The following EFCAB8 variants were observed in gnomAD, a reference collection of about 807,000 sequenced individuals.
EFCAB8 encodes the protein EF-hand calcium binding domain 8.
A neutral mutation model predicts 116.3 loss-of-function variants in EFCAB8; 100 were observed. The ratio of observed to expected loss-of-function variants is 0.86; its 90% CI spans 0.73 to 1.02. The LOEUF (loss-of-function observed/expected upper bound fraction) is 1.02. Among genes scored for constraint, EFCAB8 ranks in the 50% least tolerant of loss-of-function variants. The probability of loss-of-function intolerance (pLI) is 0.00; values close to 1 mark genes in which losing one functional copy is unlikely to be tolerated. For synonymous variants in EFCAB8, 558 were observed against 567.9 expected (o/e 0.98, Z 0.25); for missense variants, 1,320 against 1,416.9 (o/e 0.93, Z 1.10).
Position 32,875,502 on chromosome 20 carries a change from G to GTTTTTTTTTTTTTTTTTTTTTTTTTTTTT in EFCAB8, c.209-406_209-405insTTTTTTTTTTTTTTTTTTTTTTTTTTTTT, listed in dbSNP as rs57620114. 3.4e-4 allele frequency among the ~76,000 whole-genome samples: 31 copies of GTTTTTTTTTTTTTTTTTTTTTTTTTTTTT among 89,894 alleles called. 8 individuals carry two copies. Among genetic ancestry groups the GTTTTTTTTTTTTTTTTTTTTTTTTTTTTT allele is most frequent in the Non-Finnish European group, 6.5e-4 (25 of 38,732 alleles). 59.0% of individuals were successfully genotyped at this position (89,894 alleles called of 152,430 possible). On this transcript the variant is annotated intron_variant, in intron 3 of 26. Coordinates refer to ENST00000400522, the MANE Select transcript of EFCAB8 (RefSeq NM_001143967.2). Reference sequence around the variant, plus strand: ...CTGAGCACACCTGGTAAACATGGTGGTTTTTTTTTTTTTTTTTTGAGACAG... The same window carrying GTTTTTTTTTTTTTTTTTTTTTTTTTTTTT: ...CTGAGCACACCTGGTAAACATGGTGGTTTTTTTTTTTTTTTTTTTTTTTTTTTTTTTTTTTTTTTTTTTTTTTGAGACAG...
chr20:32,923,152 C>A (rs1352759906), intron 20 of EFCAB8, among the ~76,000 whole-genome samples: 1 of 152,110 alleles, frequency 6.6e-6, no homozygotes, highest in Admixed American at 6.5e-5. Flanking sequence ...CCACTGCACT[C>A]CAGCCTGGGC....
rs1987854767 is a variant in EFCAB8 at position 32,930,482 on chromosome 20, T to C, written c.2497T>C (p.Ser833Pro). 9.0e-6 allele frequency: 14 copies of C among 1,551,948 alleles called. No homozygotes were observed. Among genetic ancestry groups the C allele is most frequent in the Non-Finnish European group, 1.2e-5 (14 of 1,147,036 alleles). The change falls in exon 21 of 27, where the codon TCC becomes CCC. Residue 833 changes from serine to proline, a missense_variant. Transcript: ENST00000400522. ...CATGGACGGCTACATCTACGCCTGG[T>C]CCCTCCATGAGAATGGAGGCCTGCT... The part of the protein sequence containing the change: ...SCMDGYIYAW[S>P]LHENGGLLGK...
intron 17 of EFCAB8, among the ~76,000 whole-genome samples, chr20:32,914,463 A>G (rs151238819): frequency 6.6e-6 from 1 of 152,306 alleles, no homozygotes; most frequent in East Asian, 1.9e-4. Flanking sequence ...TATGTCTTTA[A>G]TGATTGTATT....
chr20:32,893,460 C>A (rs1287375165), intron 9 of EFCAB8, among the ~76,000 whole-genome samples, 162 bp downstream of exon 9: 1 of 152,102 alleles, frequency 6.6e-6, no homozygotes, highest in Non-Finnish European at 1.5e-5. Flanking sequence ...CAGCTCAGCA[C>A]AGAGGGAGAG....
intron 3 of EFCAB8, among the ~76,000 whole-genome samples, chr20:32,873,340 A>T (rs1984783102): frequency 6.6e-6 from 1 of 151,526 alleles, no homozygotes; most frequent in Admixed American, 6.6e-5. Flanking sequence ...CGGCCTCCCA[A>T]AGTGCTGGGA....
At chr20:32,887,507 A>G (rs1985692453) in intron 6 of EFCAB8, among the ~76,000 whole-genome samples, 1 of 152,202 alleles carries the variant, frequency 6.6e-6, no homozygotes, top group African/African-American at 2.4e-5. Flanking sequence ...ACCCGGAGGC[A>G]GAGGTTCCAG....
intron 26 of EFCAB8, among the ~76,000 whole-genome samples, chr20:32,960,681 A>G (rs1989118347): frequency 6.6e-6 from 1 of 152,226 alleles, no homozygotes; most frequent in Non-Finnish European, 1.5e-5. Context: ...CTTGTCTGCC[A>G]GGGGAATATT....
chr20:32,948,463 TC>T (rs1424932948), intron 23 of EFCAB8, among the ~76,000 whole-genome samples: 2 of 147,310 alleles, frequency 1.4e-5, no homozygotes, highest in Non-Finnish European at 3.0e-5. Flanking sequence ...GTACAATACT[TC>T]CCAACTCATG....
chr20:32,875,927 C>T lies in EFCAB8; in HGVS notation c.210C>T (p.Ala70=), dbSNP rs1420246992. The T allele has an allele frequency of 1.9e-6, 3 of 1,551,478 alleles. No homozygotes were observed. In the African/African-American group the frequency reaches 4.1e-5, roughly 21 times the overall value. Residue 70 remains alanine (A), a splice_region_variant and synonymous_variant, in exon 4 of 27, where the codon GCC becomes GCT. Coordinates refer to ENST00000400522, the MANE Select transcript of EFCAB8 (RefSeq NM_001143967.2). ...MFEEDINSTG[A]LGMDAFIKAM... is the part of the protein sequence containing the mutation. Reference sequence around the variant, plus strand: ...ATGCTCTCTGTTCTCTCTTTGAAGCCCTGGGCATGGACGCCTTCATCAAGG... The same window carrying T: ...ATGCTCTCTGTTCTCTCTTTGAAGCTCTGGGCATGGACGCCTTCATCAAGG...
At chr20:32,884,953 C>G (rs943469791) in intron 5 of EFCAB8, among the ~76,000 whole-genome samples, 22 of 152,204 alleles carry the variant, frequency 1.4e-4, no homozygotes, top group African/African-American at 5.1e-4. Flanking sequence ...TCCTGCGAGG[C>G]CAGGCCTGCC....
At chr20:32,861,519 C>T (rs761617712) in intron 1 of EFCAB8, among the ~76,000 whole-genome samples, 2 of 152,168 alleles carry the variant, frequency 1.3e-5, no homozygotes, top group South Asian at 2.1e-4. Context: ...GAACTCCTGA[C>T]ATCAGGTGAT....
chr20:32,912,647 T>C, intron 16 of EFCAB8, 147 bp from the exon 17 acceptor site: 1 of 670,740 alleles, frequency 1.5e-6, no homozygotes, highest in Non-Finnish European at 2.7e-6. Context: ...GAGAACATGA[T>C]GACAAATACA....
chr20:32,875,265 G>T (rs6057663), intron 3 of EFCAB8, among the ~76,000 whole-genome samples: 63,088 of 151,770 alleles, frequency 0.42, 15,284 homozygotes, highest in Non-Finnish European at 0.55. Flanking sequence ...GGACAGAAGC[G>T]TCCGGAATTG....
chr20:32,863,662 G>A (rs966150367), intron 1 of EFCAB8, 121 bp from the exon 2 acceptor site: 1 of 899,786 alleles, frequency 1.1e-6, no homozygotes, highest in Non-Finnish European at 1.7e-6. Flanking sequence ...ATGGGCAAGG[G>A]GAAGCCACCC....
intron 5 of EFCAB8, among the ~76,000 whole-genome samples, chr20:32,884,278 A>G (rs1481587913): frequency 6.6e-6 from 1 of 152,160 alleles, no homozygotes; most frequent in Non-Finnish European, 1.5e-5. Flanking sequence ...GCAGCCTCTC[A>G]TCTGATCCCA....
At chr20:32,929,588 C>T (rs867994944) in intron 20 of EFCAB8, among the ~76,000 whole-genome samples, 54 of 151,116 alleles carry the variant, frequency 3.6e-4, no homozygotes, top group African/African-American at 1.3e-3. Context: ...GTGATTCACC[C>T]GCCTCGGCCT....
Position 32,961,546 on chromosome 20 carries a change from C to T in EFCAB8, c.3804C>T (p.Pro1268=). Residue 1268 remains proline (P), a synonymous_variant, in exon 27 of 27, where the codon CCC becomes CCT. Transcript: ENST00000400522. ...PKHIVSSFER[P]PRPLKATFMS... ...ACATTGTCTCCTCCTTCGAGCGGCCCCCAAGGCCTCTGAAGGCCACCTTCA... is the reference window on the plus strand; with the variant it reads ...ACATTGTCTCCTCCTTCGAGCGGCCTCCAAGGCCTCTGAAGGCCACCTTCA... 7.1e-7 allele frequency: 1 copy of T among 1,407,144 alleles called. No individual in the cohort carries two copies. The highest frequency in any genetic ancestry group is 1.8e-5 in the South Asian group (1 of 54,412). 87.2% of individuals were successfully genotyped at this position (1,407,144 alleles called of 1,614,324 possible).
chr20:32,956,681 CT>C (rs1200148931), intron 23 of EFCAB8, among the ~76,000 whole-genome samples: 5 of 152,010 alleles, frequency 3.3e-5, no homozygotes, highest in African/African-American at 1.2e-4. Context: ...GGTAATTTGT[CT>C]TTTTTTCCCC....
intron 2 of EFCAB8, among the ~76,000 whole-genome samples, chr20:32,866,902 C>G (rs901775651): frequency 1.0e-4 from 15 of 144,874 alleles, no homozygotes; most frequent in African/African-American, 2.8e-4. Context: ...TTCTCTCTCT[C>G]TCTTTCTTTC....
Sources: gnomAD v4.1 joint callset for allele counts (sites outside exome capture counted in the v4.1 genomes callset) on GRCh38, gnomAD v4.1.1 for gene constraint, MANE v1.5 for transcripts, NCBI Gene and HGNC (gene_info 2026-07-23, HGNC 2026-07-21) for gene names.